PPP4R4: variants seen among roughly 807,000 people sequenced by gnomAD.
The protein encoded by PPP4R4 is protein phosphatase 4 regulatory subunit 4.
PPP4R4 carries 70 observed loss-of-function variants against 121.8 expected under a neutral mutation model. The observed-to-expected ratio is 0.57, with a 90% CI of 0.47 to 0.70. PPP4R4 has a LOEUF of 0.70. Among genes scored for constraint, PPP4R4 ranks in the 30% least tolerant of loss-of-function variants. PPP4R4 has a pLI of 0.00. For missense variants in PPP4R4, 875 were observed against 1,033.6 expected, an observed-to-expected ratio of 0.85 and a Z score of 2.10; for synonymous variants, 348 against 355.7, an observed-to-expected ratio of 0.98 and a Z score of 0.24.
chr14:94,225,802 C>T (rs1891665973), intron 3 of PPP4R4, among the ~76,000 whole-genome samples: 2 of 152,056 alleles, frequency 1.3e-5, no homozygotes, highest in Non-Finnish European at 2.9e-5. Flanking sequence ...TTTCTTTGGG[C>T]TACTTTTGAG....
intron 23 of PPP4R4, among the ~76,000 whole-genome samples, chr14:94,272,595 T>TA (rs1894394407): frequency 2.0e-5 from 3 of 152,120 alleles, no homozygotes; most frequent in Admixed American, 6.6e-5. Context: ...CTGCTTATGG[T>TA]AATGACATTT....
chr14:94,193,488 T>C (rs772061427), intron 2 of PPP4R4, among the ~76,000 whole-genome samples: 1 of 152,204 alleles, frequency 6.6e-6, no homozygotes, highest in Non-Finnish European at 1.5e-5. Flanking sequence ...AGTAAGGTGC[T>C]TATTTATTAG....
At chr14:94,241,761 T>C in intron 9 of PPP4R4, 27 bp from the exon 10 acceptor site, 1 of 1,508,216 alleles carries the variant, frequency 6.6e-7, no homozygotes, top group South Asian at 1.3e-5. Flanking sequence ...ATTGAAATGT[T>C]GAGCTAGTTT....
intron 2 of PPP4R4, among the ~76,000 whole-genome samples, chr14:94,176,514 GA>G (rs1354903390): frequency 6.6e-6 from 1 of 152,096 alleles, no homozygotes. Context: ...CTACTATACG[GA>G]AAAAAATCCA....
At chr14:94,200,173 A>G (rs1379513805) in intron 2 of PPP4R4, among the ~76,000 whole-genome samples, 2 of 152,176 alleles carry the variant, frequency 1.3e-5, no homozygotes, top group African/African-American at 4.8e-5. Context: ...ATAATATATA[A>G]AAGTAGAGAT....
In PPP4R4 at chr14:94,218,746, A is replaced by G. The variant is rs1229197303; in HGVS notation, c.294+10180A>G. On this transcript the variant is annotated intron_variant, in intron 3 of 24. Coordinates refer to ENST00000304338, the MANE Select transcript of PPP4R4 (RefSeq NM_058237.2). ...CTAGACACCGCACGTGCGCGCGCGC[A>G]CACACACACACACACCCTCACCCCT... Among the ~76,000 whole-genome samples the G allele has an allele frequency of 4.6e-3, 595 of 130,038 alleles. 3 individuals are homozygous for G. The highest frequency in any genetic ancestry group is 8.8e-3 in the Admixed American group (120 of 13,606). 85.3% of individuals were successfully genotyped at this position (130,038 alleles called of 152,430 possible).
chr14:94,195,481 G>A (rs1398193598), intron 2 of PPP4R4, among the ~76,000 whole-genome samples: 7 of 152,172 alleles, frequency 4.6e-5, no homozygotes, highest in African/African-American at 1.7e-4. Context: ...GTTGAACTGT[G>A]GCCAGTAATT....
At chr14:94,259,566 T>A (rs967247166) in intron 19 of PPP4R4, among the ~76,000 whole-genome samples, 197 bp downstream of exon 19, 1 of 152,246 alleles carries the variant, frequency 6.6e-6, no homozygotes, top group African/African-American at 2.4e-5. Flanking sequence ...TTAAAAAAAC[T>A]ACTTTGCTGA....
intron 10 of PPP4R4, 98 bp from the exon 11 acceptor site, chr14:94,242,191 G>T (rs1892668951): frequency 2.1e-6 from 3 of 1,398,708 alleles, no homozygotes; most frequent in Non-Finnish European, 3.0e-6. Flanking sequence ...ACAATTCAGA[G>T]AACATGATTT....
intron 2 of PPP4R4, among the ~76,000 whole-genome samples, chr14:94,206,383 A>G (rs1183595380): frequency 6.6e-6 from 1 of 152,036 alleles, no homozygotes; most frequent in Non-Finnish European, 1.5e-5. Context: ...TGTAGACAGT[A>G]TATAGTCGAA....
At chr14:94,229,642 AT>A (rs1891903771) in intron 3 of PPP4R4, among the ~76,000 whole-genome samples, 1 of 152,216 alleles carries the variant, frequency 6.6e-6, no homozygotes, top group Admixed American at 6.5e-5. Flanking sequence ...TATAATTCAC[AT>A]TTTATAGATT....
intron 23 of PPP4R4, among the ~76,000 whole-genome samples, chr14:94,274,199 A>G (rs1306769940): frequency 6.6e-6 from 1 of 152,160 alleles, no homozygotes; most frequent in East Asian, 1.9e-4. Flanking sequence ...AAGTGTCTAT[A>G]TTTTCTAAAG....
intron 4 of PPP4R4, among the ~76,000 whole-genome samples, 176 bp from the exon 5 acceptor site, chr14:94,231,066 T>TCTAGAAA (rs1397475479): frequency 1.3e-5 from 2 of 152,200 alleles, no homozygotes; most frequent in Non-Finnish European, 1.5e-5. Context: ...TTTTTAAAAA[T>TCTAGAAA]ATAAAAATTT....
chr14:94,244,832 C>A, intron 12 of PPP4R4, 120 bp downstream of exon 12: 1 of 988,212 alleles, frequency 1.0e-6, no homozygotes, highest in Non-Finnish European at 1.4e-6. Flanking sequence ...GCCCCAGAAG[C>A]TTCAAATTGT....
chr14:94,185,656 G>C (rs370072894), intron 2 of PPP4R4, among the ~76,000 whole-genome samples: 6 of 152,268 alleles, frequency 3.9e-5, no homozygotes, highest in African/African-American at 9.6e-5. Context: ...TAAATCATCT[G>C]TTTGGGATTA....
At chr14:94,190,606 CATAA>C (rs568676432) in intron 2 of PPP4R4, among the ~76,000 whole-genome samples, 4 of 151,994 alleles carry the variant, frequency 2.6e-5, no homozygotes, top group Non-Finnish European at 4.4e-5. Flanking sequence ...GTCTCAAAAA[CATAA>C]ATAAATAAAT....
intron 23 of PPP4R4, 111 bp from the exon 24 acceptor site, chr14:94,275,263 A>T (rs1198632546): frequency 8.1e-7 from 1 of 1,239,354 alleles, no homozygotes; most frequent in Non-Finnish European, 1.1e-6. Flanking sequence ...ATACCCTCAT[A>T]AAATTGATTT....
chr14:94,227,214 T>C, intron 3 of PPP4R4: 1 of 1,224,532 alleles, frequency 8.2e-7, no homozygotes, highest in Admixed American at 1.9e-5. Context: ...AATAGTAATG[T>C]AAGAGGAATG....
intron 5 of PPP4R4, 100 bp from the exon 6 acceptor site, chr14:94,233,553 A>C (rs899200176): frequency 1.4e-6 from 1 of 728,604 alleles, no homozygotes; most frequent in East Asian, 2.7e-5. Flanking sequence ...AGGTTCTTTA[A>C]AAACATTTAG....
Sources: gnomAD v4.1 joint callset for allele counts (sites outside exome capture counted in the v4.1 genomes callset) on GRCh38, gnomAD v4.1.1 for gene constraint, MANE v1.5 for transcripts, NCBI Gene and HGNC (gene_info 2026-07-23, HGNC 2026-07-21) for gene names.